SEC61A2: variants seen among roughly 807,000 people sequenced by gnomAD.
SEC61A2 encodes protein transport protein Sec61 subunit alpha isoform 2.
A neutral mutation model predicts 59.9 loss-of-function variants in SEC61A2; 28 were observed. That is an observed-to-expected ratio of 0.47 (90% CI 0.35 to 0.64). The LOEUF (loss-of-function observed/expected upper bound fraction) is 0.64. Ranked by LOEUF, SEC61A2 falls within the 30% of genes least tolerant of loss-of-function variation. The pLI, the probability that SEC61A2 is intolerant of heterozygous loss-of-function variation, is 0.01. For synonymous variants in SEC61A2, 202 were observed against 214.4 expected, an observed-to-expected ratio of 0.94 and a Z score of 0.50; for missense variants, 340 against 585.9, an observed-to-expected ratio of 0.58 and a Z score of 4.33.
intron 8 of SEC61A2, 84 bp from the exon 9 acceptor site, chr10:12,157,824 A>G (rs1834439721): frequency 1.5e-6 from 2 of 1,300,282 alleles, no homozygotes; most frequent in Admixed American, 1.8e-5. Flanking sequence ...CATCCCCCGC[A>G]CTGTTCTTTG....
At chr10:12,167,728 A>G, downstream of SEC61A2, 1 of 1,614,160 alleles carries the variant, frequency 6.2e-7, no homozygotes, top group Non-Finnish European at 8.5e-7. Flanking sequence ...GGCACTTCAA[A>G]TGGCTTTGCA....
At chr10:12,146,042 C>T (rs1167619740) in intron 4 of SEC61A2, among the ~76,000 whole-genome samples, 1 of 152,088 alleles carries the variant, frequency 6.6e-6, no homozygotes, top group Admixed American at 6.6e-5. Context: ...TTTTTTTAAA[C>T]CAAATTTCGC....
chr10:12,146,236 G>C (rs548992377), intron 4 of SEC61A2, among the ~76,000 whole-genome samples: 1 of 152,094 alleles, frequency 6.6e-6, no homozygotes, highest in Non-Finnish European at 1.5e-5. Context: ...GGCCAGGCTG[G>C]TGAATTCCTG....
chr10:12,169,123 T>A (rs145721779), downstream of SEC61A2: 285 of 565,456 alleles, frequency 5.0e-4, 1 homozygote, highest in African/African-American at 5.1e-3. The surrounding 1 kb of genome is among the most constrained non-coding windows in gnomAD (Gnocchi z 4.8). Flanking sequence ...GCTGGTTGAA[T>A]AAACGGTTTG....
At position 12,142,413 on chromosome 10, in the gene SEC61A2, C is replaced by A; in HGVS notation, c.142-704C>A. 2.3e-6 allele frequency: 1 copy of A among 428,372 alleles called. No homozygotes were observed. Among genetic ancestry groups the A allele is most frequent in the Non-Finnish European group, 3.1e-6 (1 of 321,002 alleles). 26.5% of individuals were successfully genotyped at this position (428,372 alleles called of 1,614,324 possible). A position where few individuals can be genotyped will look rare whatever the true frequency, so the allele number is the denominator to read the frequency against. On this transcript the variant is annotated intron_variant, in intron 3 of 11. Coordinates refer to ENST00000298428, the MANE Select transcript of SEC61A2 (RefSeq NM_018144.4). The surrounding 1 kb of genome is among the most constrained non-coding windows in gnomAD (Gnocchi z 5.4). ...TATATTTAGTTTTATGACATAAGTA[C>A]TTCTTCCATGTTATTACAGATTGAG... is the stretch of plus-strand genomic sequence containing the variant.
chr10:12,155,435 T>A lies in SEC61A2; in HGVS notation c.463-343T>A. On this transcript the variant is annotated intron_variant, in intron 6 of 11. Transcript: ENST00000298428. This position sits in a 1 kb window ranked among gnomAD's most constrained non-coding sequence, Gnocchi z 4.3. ...TTGGGATGTTTTCAGTTTCTTGCTG[T>A]CATAAATTCTAGAATACTGTGATCA... is the stretch of plus-strand genomic sequence containing the variant. 1 of 1,247,370 alleles carries A rather than the reference T, an allele frequency of 8.0e-7. No individual in the cohort carries two copies. The highest frequency in any genetic ancestry group is 2.5e-5 in the East Asian group (1 of 39,256). 77.3% of individuals were successfully genotyped at this position (1,247,370 alleles called of 1,614,324 possible).
At chr10:12,169,492 C>G (rs956808098), downstream of SEC61A2, 9 of 551,144 alleles carry the variant, frequency 1.6e-5, no homozygotes, top group Non-Finnish European at 2.9e-5. This position sits in a 1 kb window ranked among gnomAD's most constrained non-coding sequence, Gnocchi z 4.8. Context: ...AGCCTCAAAC[C>G]GAGTCGGGCC....
chr10:12,129,874 C>G lies in SEC61A2; in HGVS notation c.7+80C>G. ...GGCTGCGGGCGGTGGGGCTGGCGCT[C>G]GCTCGGAGTCGTGGGGGCCAGGGAT... On this transcript the variant is annotated intron_variant, in intron 1 of 11. Transcript: ENST00000298428. The surrounding 1 kb of genome is among the most constrained non-coding windows in gnomAD (Gnocchi z 5.6). 8.1e-7 allele frequency: 1 copy of G among 1,242,058 alleles called. No homozygotes were observed. 76.9% of individuals were successfully genotyped at this position (1,242,058 alleles called of 1,614,324 possible). A position where few individuals can be genotyped will look rare whatever the true frequency, so the allele number is the denominator to read the frequency against.
chr10:12,130,379 C>G (rs1436504871), intron 1 of SEC61A2, among the ~76,000 whole-genome samples: 6 of 152,094 alleles, frequency 3.9e-5, no homozygotes, highest in Non-Finnish European at 8.8e-5. Context: ...AACACTCAAC[C>G]CCACATATGT....
chr10:12,164,617 G>C lies in SEC61A2; in HGVS notation c.*163G>C, dbSNP rs1834620936. On this transcript the variant is annotated 3_prime_UTR_variant, in exon 12 of 12. Transcript: ENST00000298428. The surrounding 1 kb of genome is among the most constrained non-coding windows in gnomAD (Gnocchi z 7.3). The stretch of plus-strand genomic sequence containing the variant: ...GGGCACCGAGCTAAGTCTGTGTGCA[G>C]CATTAGTACCCGCTGCCTTAAAACT... The C allele has an allele frequency of 2.8e-6, 4 of 1,416,516 alleles. No individual in the cohort carries two copies. The Admixed American group carries it at 1.3e-4, about 46-fold the overall frequency. The allele number at this position is 1,416,516 out of a possible 1,614,324, so 87.7% of individuals were successfully genotyped here.
rs577281263 is a variant in SEC61A2, at chr10:12,149,003, A to T, written c.221-592A>T. On this transcript the variant is annotated intron_variant, in intron 4 of 11. Coordinates refer to ENST00000298428, the MANE Select transcript of SEC61A2 (RefSeq NM_018144.4). The surrounding 1 kb of genome is among the most constrained non-coding windows in gnomAD (Gnocchi z 5.2). ...AGTGATGTGACAGAGTGGCCCAGGA[A>T]GTCTTGGCACTGTAGAATTACTTGA... Among the ~76,000 whole-genome samples the T allele has an allele frequency of 3.9e-5, 6 of 152,328 alleles. No homozygotes were observed. In the South Asian group the frequency reaches 1.2e-3, roughly 32 times the overall value.
Position 12,129,746 on chromosome 10 carries a change from G to T in SEC61A2, c.-42G>T, listed in dbSNP as rs970961317. 3 of 1,485,516 alleles carry T rather than the reference G, an allele frequency of 2.0e-6. No individual in the cohort carries two copies. The highest frequency in any genetic ancestry group is 1.8e-6 in the Non-Finnish European group (2 of 1,122,824). The allele number at this position is 1,485,516 out of a possible 1,614,324, so 92.0% of individuals were successfully genotyped here. A position where few individuals can be genotyped will look rare whatever the true frequency, so the allele number is the denominator to read the frequency against. On this transcript the variant is annotated 5_prime_UTR_variant, in exon 1 of 12. Coordinates refer to ENST00000298428, the MANE Select transcript of SEC61A2 (RefSeq NM_018144.4). This position sits in a 1 kb window ranked among gnomAD's most constrained non-coding sequence, Gnocchi z 5.6. Reference sequence around the variant, plus strand: ...GCCGCGGGAGTCGAGCGAAGGCAGCGCCGAGGCCGCGGTTTCCCCCTGGGC... The same window carrying T: ...GCCGCGGGAGTCGAGCGAAGGCAGCTCCGAGGCCGCGGTTTCCCCCTGGGC...
At chr10:12,141,178 G>A (rs1020006257) in intron 3 of SEC61A2, among the ~76,000 whole-genome samples, 5 of 152,202 alleles carry the variant, frequency 3.3e-5, no homozygotes, top group Non-Finnish European at 7.3e-5. Context: ...GGTGTTACAG[G>A]CCTGAGCCAT....
At chr10:12,169,419 T>C (rs967128819), downstream of SEC61A2, 3 of 897,002 alleles carry the variant, frequency 3.3e-6, no homozygotes, top group Non-Finnish European at 5.0e-6. This position sits in a 1 kb window ranked among gnomAD's most constrained non-coding sequence, Gnocchi z 4.8. Flanking sequence ...GTTCCTGTTT[T>C]ATGAAAAAAG....
chr10:12,130,865 A>C (rs1833717633), intron 1 of SEC61A2: 1 of 152,250 alleles, frequency 6.6e-6, no homozygotes, highest in Non-Finnish European at 1.5e-5. Context: ...ACAATTAGTT[A>C]ATCCTTCTGT....
downstream of SEC61A2, chr10:12,167,394 C>T: frequency 3.8e-6 from 1 of 265,648 alleles, no homozygotes; most frequent in Non-Finnish European, 7.3e-6. Flanking sequence ...ATACAAATAC[C>T]CCTGTCTACC....
chr10:12,149,565 AT>A lies in SEC61A2; in HGVS notation c.221-28del. On this transcript the variant is annotated intron_variant, in intron 4 of 11. Transcript: ENST00000298428. The surrounding 1 kb of genome is among the most constrained non-coding windows in gnomAD (Gnocchi z 5.2). ...TCAGTTTGTATCGTGTACAGCAAAC[AT>A]TGCACACTTCTCTCCCCTTCCTTTC... The A allele has an allele frequency of 6.3e-7, 1 of 1,577,078 alleles. No individual in the cohort carries two copies. The highest frequency in any genetic ancestry group is 8.6e-7 in the Non-Finnish European group (1 of 1,164,454).
Position 12,156,941 on chromosome 10 carries a change from C to T in SEC61A2, c.651C>T (p.Phe217=), listed in dbSNP as rs748825978. 2.5e-6 allele frequency: 4 copies of T among 1,613,862 alleles called. No homozygotes were observed. In the East Asian group the frequency reaches 8.9e-5, roughly 36 times the overall value. Residue 217 remains phenylalanine, a synonymous_variant, in exon 8 of 12, where the codon TTC becomes TTT. Coordinates refer to ENST00000298428, the MANE Select transcript of SEC61A2 (RefSeq NM_018144.4). The surrounding 1 kb of genome is among the most constrained non-coding windows in gnomAD (Gnocchi z 5.2). ...TEFEGAVIAL[F]HLLATRTDKV... is the part of the protein sequence containing the mutation. The stretch of plus-strand genomic sequence containing the variant: ...TTGAGGGTGCAGTCATAGCTCTGTT[C>T]CATTTGTTGGCCACCAGGACGGACA...
intron 1 of SEC61A2, among the ~76,000 whole-genome samples, chr10:12,132,653 A>T (rs1833784356): frequency 7.7e-6 from 1 of 129,930 alleles, no homozygotes; most frequent in Non-Finnish European, 1.8e-5. Context: ...AGGTGATTCC[A>T]TGATTTTTTT....
Sources: gnomAD v4.1 joint callset for allele counts (sites outside exome capture counted in the v4.1 genomes callset) on GRCh38, gnomAD v4.1.1 for gene constraint, Gnocchi (gnomAD v3.1) non-coding constraint, MANE v1.5 for transcripts, NCBI Gene and HGNC (gene_info 2026-07-23, HGNC 2026-07-21) for gene names.